The following PDCD10 variants were observed in gnomAD, a reference collection of about 807,000 sequenced individuals.
PDCD10 encodes the protein programmed cell death protein 10.
In PDCD10, 4 loss-of-function variants were observed where a neutral mutation model predicts 29.2. The ratio of observed to expected loss-of-function variants is 0.14; its 90% CI spans 0.07 to 0.31. The LOEUF (loss-of-function observed/expected upper bound fraction) is 0.31. Ranked by LOEUF, PDCD10 falls within the 10% of genes least tolerant of loss-of-function variation. The probability of loss-of-function intolerance (pLI) is 1.00; values close to 1 mark genes in which losing one functional copy is unlikely to be tolerated. For missense variants in PDCD10, 183 were observed against 257.9 expected (o/e 0.71, Z 1.99); for synonymous variants, 70 against 82.2 (o/e 0.85, Z 0.80).
chr3:167,731,275 A>G (rs997701424), intron 2 of PDCD10, among the ~76,000 whole-genome samples: 6 of 152,216 alleles, frequency 3.9e-5, no homozygotes, highest in Admixed American at 1.3e-4. Context: ...TATAATGAAT[A>G]TCGCTTGCAA....
chr3:167,697,138 A>G lies in PDCD10; in HGVS notation c.151-12T>C. The G allele has an allele frequency of 2.2e-6, 3 of 1,377,634 alleles. No homozygotes were observed. Among genetic ancestry groups the G allele is most frequent in the Non-Finnish European group, 3.1e-6 (3 of 965,806 alleles). The allele number at this position is 1,377,634 out of a possible 1,614,324, so 85.3% of individuals were successfully genotyped here. A position where few individuals can be genotyped will look rare whatever the true frequency, so the allele number is the denominator to read the frequency against. The stretch of plus-strand genomic sequence containing the variant: ...TTTTCTTTTTCAGCCTATAATAAAG[A>G]GAAAACTAGTTTTGAAATACAGATA... On this transcript the variant is annotated splice_polypyrimidine_tract_variant and intron_variant, in intron 4 of 8. Coordinates refer to ENST00000392750, the MANE Select transcript of PDCD10 (RefSeq NM_007217.4).
chr3:167,695,138 T>C (rs1335654747), intron 6 of PDCD10, among the ~76,000 whole-genome samples: 1 of 152,238 alleles, frequency 6.6e-6, no homozygotes, highest in Non-Finnish European at 1.5e-5. Flanking sequence ...TGAGTATTCT[T>C]GGTCTTATTT....
chr3:167,698,398 T>C (rs182955855), intron 4 of PDCD10, among the ~76,000 whole-genome samples: 1 of 152,098 alleles, frequency 6.6e-6, no homozygotes, highest in Non-Finnish European at 1.5e-5. Flanking sequence ...TAGCCAGGCA[T>C]GGTGGGGTGT....
chr3:167,684,167 G>C lies in PDCD10; in HGVS notation c.*141C>G, dbSNP rs886058160. ...TACATTTTACAAAAATATGGTGTAA[G>C]ATGGCAATAATCCCATTCAACATCC... is the stretch of plus-strand genomic sequence containing the variant. On this transcript the variant is annotated 3_prime_UTR_variant, in exon 9 of 9. Transcript: ENST00000392750. The C allele has an allele frequency of 4.7e-6, 3 of 634,758 alleles. No individual in the cohort carries two copies. In the East Asian group the frequency reaches 8.6e-5, roughly 18 times the overall value. The allele number at this position is 634,758 out of a possible 1,614,324, so 39.3% of individuals were successfully genotyped here. A position where few individuals can be genotyped will look rare whatever the true frequency, so the allele number is the denominator to read the frequency against.
At chr3:167,689,736 G>T (rs578226641) in intron 6 of PDCD10, among the ~76,000 whole-genome samples, 2 of 152,192 alleles carry the variant, frequency 1.3e-5, no homozygotes, top group Admixed American at 1.3e-4. Context: ...TTGGAGCTAA[G>T]GTTTAATGCC....
intron 4 of PDCD10, among the ~76,000 whole-genome samples, chr3:167,701,530 T>C (rs1721433826): frequency 1.3e-5 from 2 of 152,152 alleles, no homozygotes; most frequent in African/African-American, 4.8e-5. Flanking sequence ...ATTCTTCTGA[T>C]ACTGGATAAT....
At chr3:167,717,877 G>A (rs182966819) in intron 3 of PDCD10, among the ~76,000 whole-genome samples, 4 of 152,102 alleles carry the variant, frequency 2.6e-5, no homozygotes, top group Middle Eastern at 3.4e-3. Flanking sequence ...GCAAGAAAAA[G>A]GCCACTGAAA....
At chr3:167,701,504 ATTG>A (rs1329953527) in intron 4 of PDCD10, among the ~76,000 whole-genome samples, 1 of 152,104 alleles carries the variant, frequency 6.6e-6, no homozygotes, top group East Asian at 1.9e-4. Context: ...CTTTATTATT[ATTG>A]TTGTTCAAAA....
Position 167,695,648 on chromosome 3 carries a change from T to C in PDCD10, c.343A>G (p.Ser115Gly), listed in dbSNP as rs745948477. ...EKARALKQIL[S>G]KIPDEINDRV... ...TCATTGATCTCATCTGGGATCTTAC[T>C]GAGAATTTGTTTAAGTGCTCGTGCC... is the stretch of plus-strand genomic sequence containing the variant. Residue 115 changes from serine (S) to glycine (G), a missense_variant, in exon 6 of 9, where the codon AGT becomes GGT. By Grantham distance (56) the Ser-to-Gly change is moderately conservative. Coordinates refer to ENST00000392750, the MANE Select transcript of PDCD10 (RefSeq NM_007217.4). The C allele has an allele frequency of 5.0e-6, 8 of 1,611,476 alleles. No homozygotes were observed. Among genetic ancestry groups the C allele is most frequent in the Admixed American group, 1.7e-5 (1 of 60,006 alleles).
chr3:167,701,899 TA>T (rs554267600), intron 4 of PDCD10, among the ~76,000 whole-genome samples: 8 of 151,736 alleles, frequency 5.3e-5, no homozygotes, highest in African/African-American at 1.7e-4. Context: ...TAGATATGGT[TA>T]AAAAAAACGT....
intron 3 of PDCD10, among the ~76,000 whole-genome samples, chr3:167,708,981 CAG>C (rs1446828749): frequency 1.3e-5 from 2 of 152,122 alleles, no homozygotes; most frequent in East Asian, 3.8e-4. Context: ...AATAAGGAAA[CAG>C]ATAAGATTAA....
chr3:167,727,592 A>G (rs1724332698), intron 2 of PDCD10, among the ~76,000 whole-genome samples: 1 of 152,142 alleles, frequency 6.6e-6, no homozygotes, highest in African/African-American at 2.4e-5. Context: ...TCCTTGTCTT[A>G]GTTTCTCCAA....
chr3:167,708,357 T>C (rs1222891861), intron 3 of PDCD10, among the ~76,000 whole-genome samples: 1 of 151,966 alleles, frequency 6.6e-6, no homozygotes, highest in Non-Finnish European at 1.5e-5. Flanking sequence ...GTGTGTTTTG[T>C]TGTTGTTGTT....
intron 4 of PDCD10, among the ~76,000 whole-genome samples, chr3:167,703,854 G>C (rs1356948357): frequency 6.6e-6 from 1 of 152,038 alleles, no homozygotes; most frequent in Admixed American, 6.5e-5. Flanking sequence ...TATTTTAATA[G>C]TACATCCAAA....
At chr3:167,704,136 C>G (rs1721730338) in intron 4 of PDCD10, among the ~76,000 whole-genome samples, 1 of 152,170 alleles carries the variant, frequency 6.6e-6, no homozygotes, top group South Asian at 2.1e-4. Flanking sequence ...GAAGGTATTA[C>G]TTTCCCACTG....
At chr3:167,686,859 T>C (rs925665362) in intron 8 of PDCD10, among the ~76,000 whole-genome samples, 1 of 152,240 alleles carries the variant, frequency 6.6e-6, no homozygotes, top group African/African-American at 2.4e-5. Flanking sequence ...GTAAAAATTA[T>C]TTCAAGATAC....
chr3:167,733,172 A>G (rs1302165933), intron 2 of PDCD10, among the ~76,000 whole-genome samples: 6 of 152,040 alleles, frequency 3.9e-5, no homozygotes, highest in Admixed American at 2.0e-4. Flanking sequence ...GCATAGTCTG[A>G]TGATCAACTT....
At chr3:167,717,975 G>A (rs936321388) in intron 3 of PDCD10, among the ~76,000 whole-genome samples, 1 of 152,052 alleles carries the variant, frequency 6.6e-6, no homozygotes, top group African/African-American at 2.4e-5. Flanking sequence ...CTCCATTCAA[G>A]TAAGGGCTCA....
intron 4 of PDCD10, among the ~76,000 whole-genome samples, chr3:167,699,728 G>C (rs760189214): frequency 6.1e-4 from 93 of 152,210 alleles, no homozygotes; most frequent in Non-Finnish European, 1.0e-3. Context: ...ACAACCTATC[G>C]GAACCTCTCA....
Sources: gnomAD v4.1 joint callset for allele counts (sites outside exome capture counted in the v4.1 genomes callset) on GRCh38, gnomAD v4.1.1 for gene constraint, MANE v1.5 for transcripts, NCBI Gene and HGNC (gene_info 2026-07-23, HGNC 2026-07-21) for gene names.